LRRK2: variants seen among roughly 807,000 people sequenced by gnomAD.
LRRK2 encodes leucine-rich repeat serine/threonine-protein kinase 2.
LRRK2 carries 203 observed loss-of-function variants against 302.6 expected under a neutral mutation model. The ratio of observed to expected loss-of-function variants is 0.67; its 90% CI spans 0.60 to 0.75. The LOEUF (loss-of-function observed/expected upper bound fraction) is 0.75. LRRK2 is among the 30% of genes least tolerant of loss of function. LRRK2 has a pLI of 0.00. For synonymous variants in LRRK2, 1,066 were observed against 1,031.9 expected (o/e 1.03, Z -0.63); for missense variants, 2,830 against 2,951.0 (o/e 0.96, Z 0.95).
chr12:40,234,654 G>A (rs967729614), intron 3 of LRRK2, among the ~76,000 whole-genome samples: 1 of 151,948 alleles, frequency 6.6e-6, no homozygotes. Flanking sequence ...TGAGATTACA[G>A]GCGTGAGCAA....
rs138391446 is a variant in LRRK2, at chr12:40,311,468, C to T, written c.4536+819C>T. 5.3e-5 allele frequency among the ~76,000 whole-genome samples: 8 copies of T among 152,184 alleles called. No homozygotes were observed. The East Asian group carries it at 1.2e-3, about 22-fold the overall frequency. Reference sequence around the variant, plus strand: ...ATATGACAAACATAATGATGAATTTCACTTAGTCTGTCTTGGCTTAGCTCA... The same window carrying T: ...ATATGACAAACATAATGATGAATTTTACTTAGTCTGTCTTGGCTTAGCTCA... On this transcript the variant is annotated intron_variant, in intron 31 of 50. Coordinates refer to ENST00000298910, the MANE Select transcript of LRRK2 (RefSeq NM_198578.4).
intron 3 of LRRK2, among the ~76,000 whole-genome samples, chr12:40,233,148 C>T (rs189346478): frequency 1.1e-4 from 16 of 152,188 alleles, no homozygotes; most frequent in East Asian, 1.9e-4. Flanking sequence ...TTGCAGTGAG[C>T]GGAGGTTGCA....
intron 16 of LRRK2, among the ~76,000 whole-genome samples, chr12:40,276,563 T>C (rs1943462744): frequency 6.6e-6 from 1 of 152,182 alleles, no homozygotes. Flanking sequence ...CCCAAAGTGT[T>C]GGGATTACAG....
intron 2 of LRRK2, among the ~76,000 whole-genome samples, chr12:40,228,408 A>T (rs1373786907): frequency 1.8e-4 from 7 of 38,836 alleles, no homozygotes; most frequent in South Asian, 6.8e-4. Context: ...GTCTATTTGG[A>T]TCTTTTGTCC....
rs1254483838 is a variant in LRRK2 at position 40,359,766 on chromosome 12, A to G, written c.7028+322A>G. 2.0e-5 allele frequency among the ~76,000 whole-genome samples: 3 copies of G among 152,118 alleles called. No homozygotes were observed. The East Asian group carries it at 5.8e-4, about 29-fold the overall frequency. On this transcript the variant is annotated intron_variant, in intron 47 of 50. Coordinates refer to ENST00000298910, the MANE Select transcript of LRRK2 (RefSeq NM_198578.4). The stretch of plus-strand genomic sequence containing the variant: ...AAATTAGACATGAAATTGGAAGACA[A>G]TCAACTTTGTATTTCACCAAATTCA...
At position 40,287,434 on chromosome 12, in the gene LRRK2, G is replaced by A; in HGVS notation, c.2584G>A (p.Gly862Arg). 6.2e-7 allele frequency: 1 copy of A among 1,612,650 alleles called. No individual in the cohort carries two copies. ...VEEGTASGSDGNFSEDVLSKF... is the reference protein window; with the variant it reads ...VEEGTASGSDRNFSEDVLSKF... ...AGAAGGAACAGCCTCAGGCAGCGAT[G>A]GAAATTTTTCTGAAGATGTGCTGTC... The change falls in exon 20 of 51, where the codon GGA becomes AGA. Residue 862 changes from glycine to arginine, a missense_variant. By Grantham distance (125) the Gly-to-Arg change is moderately radical. This residue lies in a region of LRRK2 where 2,121 missense variants were observed against 2,148.0 expected (regional missense o/e 0.99). Coordinates refer to ENST00000298910, the MANE Select transcript of LRRK2 (RefSeq NM_198578.4).
chr12:40,225,872 C>G (rs36223554), intron 2 of LRRK2, among the ~76,000 whole-genome samples: 6 of 152,008 alleles, frequency 3.9e-5, no homozygotes. Flanking sequence ...TTTATAAAAC[C>G]AACAGTATGG....
intron 18 of LRRK2, among the ~76,000 whole-genome samples, chr12:40,281,475 A>G (rs1565708750): frequency 6.6e-6 from 1 of 152,208 alleles, no homozygotes; most frequent in African/African-American, 2.4e-5. Context: ...ATGATCAGAG[A>G]AAGATTGCAG....
intron 11 of LRRK2, among the ~76,000 whole-genome samples, chr12:40,257,030 T>C (rs933579441): frequency 6.6e-6 from 1 of 151,826 alleles, no homozygotes; most frequent in African/African-American, 2.4e-5. Context: ...AAAACCAAAA[T>C]CCCAACAAAG....
intron 41 of LRRK2, among the ~76,000 whole-genome samples, chr12:40,344,536 G>T (rs1555193467): frequency 6.6e-6 from 1 of 152,190 alleles, no homozygotes; most frequent in East Asian, 1.9e-4. Flanking sequence ...TTTCTGAAAG[G>T]ATTATGTCGT....
At chr12:40,260,526 G>C (rs908742213) in intron 13 of LRRK2, among the ~76,000 whole-genome samples, 1 of 151,746 alleles carries the variant, frequency 6.6e-6, no homozygotes, top group Admixed American at 6.6e-5. Flanking sequence ...GGATGAGTGT[G>C]GAAGGAAAGG....
At chr12:40,303,291 A>T (rs1198519827) in intron 26 of LRRK2, among the ~76,000 whole-genome samples, 1 of 152,124 alleles carries the variant, frequency 6.6e-6, no homozygotes, top group Admixed American at 6.6e-5. Flanking sequence ...ATGTAGTTCC[A>T]GGTTTTTGAG....
At position 40,320,129 on chromosome 12, in the gene LRRK2, C is replaced by T; in HGVS notation, c.4969C>T (p.Gln1657Ter). 1.2e-6 allele frequency: 2 copies of T among 1,611,666 alleles called. No individual in the cohort carries two copies. Among genetic ancestry groups the T allele is most frequent in the Non-Finnish European group, 1.7e-6 (2 of 1,178,852 alleles). ...GTATTTTAAGCTCCTAGAAAAATTC[C>T]AGATTGCTTTGCCAATAGGAGAAGA... ...SQYFKLLEKFQIALPIGEEYL... is the reference protein window; with the variant it reads ...SQYFKLLEKF The change falls in exon 34 of 51, where the codon CAG becomes TAG. Residue 1657 changes from glutamine to a stop codon, truncating the protein, a stop_gained. Coordinates refer to ENST00000298910, the MANE Select transcript of LRRK2 (RefSeq NM_198578.4). LOFTEE classifies it high-confidence loss of function.
Position 40,319,093 on chromosome 12 carries a change from T to G in LRRK2, c.4828-895T>G, listed in dbSNP as rs576037027. 1.2e-3 allele frequency among the ~76,000 whole-genome samples: 184 copies of G among 152,040 alleles called. 1 individual carries two copies. The highest frequency in any genetic ancestry group is 4.0e-3 in the African/African-American group (164 of 41,500). On this transcript the variant is annotated intron_variant, in intron 33 of 50. Transcript: ENST00000298910. ...TTAAGTATTCCTTAAACATTATAGA[T>G]CTCCCAAAGAAAATTAAATACAAAC...
chr12:40,350,492 C>T (rs997173117), intron 43 of LRRK2, among the ~76,000 whole-genome samples: 6 of 152,140 alleles, frequency 3.9e-5, no homozygotes, highest in Admixed American at 3.9e-4. Flanking sequence ...CCCAAGTAAC[C>T]TTGTCCACCA....
chr12:40,260,237 G>C (rs185244520), intron 13 of LRRK2, among the ~76,000 whole-genome samples: 1 of 152,030 alleles, frequency 6.6e-6, no homozygotes, highest in Admixed American at 6.6e-5. Flanking sequence ...AAGCACAACT[G>C]TACTATTATA....
At chr12:40,251,199 A>G (rs771494536) in intron 8 of LRRK2, 33 bp from the exon 9 acceptor site, 3 of 1,354,032 alleles carry the variant, frequency 2.2e-6, no homozygotes, top group Non-Finnish European at 3.1e-6. Context: ...TAATATATAT[A>G]ATGTTTTTAT....
At chr12:40,329,062 A>G (rs1945633919) in intron 39 of LRRK2, among the ~76,000 whole-genome samples, 1 of 147,568 alleles carries the variant, frequency 6.8e-6, no homozygotes, top group Admixed American at 6.7e-5. Flanking sequence ...TGCTAATTTG[A>G]TTGAAGGTTA....
chr12:40,321,212 T>C (rs1438259172), intron 35 of LRRK2, 24 bp downstream of exon 35: 2 of 1,592,808 alleles, frequency 1.3e-6, no homozygotes, highest in East Asian at 2.2e-5. Context: ...GAAGACTTAT[T>C]AGATTTTTAG....
Sources: gnomAD v4.1 joint callset for allele counts (sites outside exome capture counted in the v4.1 genomes callset) on GRCh38, gnomAD v4.1.1 for gene constraint, gnomAD v4.1.1 regional missense constraint, MANE v1.5 for transcripts, NCBI Gene and HGNC (gene_info 2026-07-23, HGNC 2026-07-21) for gene names.